PDE1A: variants seen among roughly 807,000 people sequenced by gnomAD.
PDE1A encodes dual specificity calcium/calmodulin-dependent 3',5'-cyclic nucleotide phosphodiesterase 1A.
Under a neutral mutation model 61.7 loss-of-function variants are expected in PDE1A, and 35 were observed. The ratio of observed to expected loss-of-function variants is 0.57; its 90% CI spans 0.43 to 0.75. The LOEUF (loss-of-function observed/expected upper bound fraction) is 0.75, where lower values mean the gene tolerates loss of function less well. PDE1A is among the 30% of genes least tolerant of loss of function. The pLI is 0.00. For synonymous variants in PDE1A, 232 were observed against 213.2 expected, an observed-to-expected ratio of 1.09 and a Z score of -0.77; for missense variants, 597 against 630.6, an observed-to-expected ratio of 0.95 and a Z score of 0.57.
chr2:182,200,399 CCAATG>C, intron 10 of PDE1A, among the ~76,000 whole-genome samples: 1 of 152,144 alleles, frequency 6.6e-6, no homozygotes. Flanking sequence ...AATCGCATGT[CCAATG>C]GTTTAATCAA....
At chr2:182,460,559 C>G (rs1056116016) in intron 2 of PDE1A, among the ~76,000 whole-genome samples, 1 of 152,084 alleles carries the variant, frequency 6.6e-6, no homozygotes, top group Non-Finnish European at 1.5e-5. Flanking sequence ...CTGTATGTAA[C>G]TTTAATATTG....
intron 1 of PDE1A, among the ~76,000 whole-genome samples, chr2:182,311,801 A>G (rs1053979921): frequency 1.1e-4 from 17 of 152,114 alleles, no homozygotes; most frequent in African/African-American, 4.1e-4. Context: ...TACGAATGGA[A>G]GGGTTGGATT....
rs371846119 is a variant in PDE1A, at chr2:182,186,493, C to A, written c.1303G>T (p.Glu435Ter). Residue 435 changes from glutamate to a stop codon, truncating the protein, a stop_gained, in exon 12 of 14, where the codon GAA becomes TAA. Transcript: ENST00000351439. LOFTEE classifies it high-confidence loss of function. ...CTGCTTGCCACATAGGAAGAAGTTTCGGCTTTTGAGGCTTCCTCTATAAGA... is the reference window on the plus strand; with the variant it reads ...CTGCTTGCCACATAGGAAGAAGTTTAGGCTTTTGAGGCTTCCTCTATAAGA... 1 of 1,612,562 alleles carries A rather than the reference C, an allele frequency of 6.2e-7. No individual in the cohort carries two copies. The highest frequency in any genetic ancestry group is 8.5e-7 in the Non-Finnish European group (1 of 1,179,630).
intron 1 of PDE1A, among the ~76,000 whole-genome samples, chr2:182,389,462 AAAG>A (rs1380367767): frequency 6.6e-6 from 1 of 152,262 alleles, no homozygotes; most frequent in Non-Finnish European, 1.5e-5. Context: ...TACATTTCTC[AAAG>A]AAGACTTATA....
At chr2:182,713,568 T>C in the PDE1A span, among the ~76,000 whole-genome samples, 2 of 152,242 alleles carry the variant, frequency 1.3e-5, no homozygotes, top group South Asian at 4.1e-4. Flanking sequence ...GAAGCAGAGA[T>C]TGCAATGAGC....
At chr2:182,264,000 C>T (rs1305371501) in intron 2 of PDE1A, among the ~76,000 whole-genome samples, 2 of 152,138 alleles carry the variant, frequency 1.3e-5, no homozygotes, top group Non-Finnish European at 2.9e-5. Flanking sequence ...GTAACTCTGA[C>T]ATTTAAAAGT....
chr2:182,542,540 G>A, the PDE1A span, among the ~76,000 whole-genome samples: 2 of 152,070 alleles, frequency 1.3e-5, no homozygotes, highest in Non-Finnish European at 2.9e-5. Flanking sequence ...AGTGTTGAAT[G>A]TCTTGAATTA....
At chr2:182,594,942 G>A in the PDE1A span, among the ~76,000 whole-genome samples, 1 of 152,138 alleles carries the variant, frequency 6.6e-6, no homozygotes, top group Non-Finnish European at 1.5e-5. Flanking sequence ...GGGGCACTCA[G>A]GTAATTGAGG....
chr2:182,355,268 C>T (rs943449854), intron 1 of PDE1A, among the ~76,000 whole-genome samples: 4 of 151,872 alleles, frequency 2.6e-5, no homozygotes, highest in Admixed American at 2.6e-4. Flanking sequence ...CAACATATCC[C>T]TATCAACAGT....
chr2:182,690,589 G>A, the PDE1A span, among the ~76,000 whole-genome samples: 2 of 152,080 alleles, frequency 1.3e-5, no homozygotes, highest in African/African-American at 2.4e-5. Flanking sequence ...AATGGGCAAA[G>A]ACTGGAAGCA....
At chr2:182,453,855 C>T (rs1685702809) in intron 2 of PDE1A, among the ~76,000 whole-genome samples, 1 of 152,064 alleles carries the variant, frequency 6.6e-6, no homozygotes, top group Admixed American at 6.6e-5. Context: ...TGAAAACTGA[C>T]ACAAGACAGG....
intron 1 of PDE1A, among the ~76,000 whole-genome samples, chr2:182,304,432 T>C (rs1256754479): frequency 6.6e-6 from 1 of 152,254 alleles, no homozygotes; most frequent in Non-Finnish European, 1.5e-5. Flanking sequence ...GTAGCACTGT[T>C]AATTTCCTTC....
At chr2:182,396,720 C>T (rs866080500) in intron 1 of PDE1A, among the ~76,000 whole-genome samples, 8 of 151,938 alleles carry the variant, frequency 5.3e-5, no homozygotes, top group Non-Finnish European at 8.8e-5. Context: ...AGTATGCTCC[C>T]GGTTGTATGA....
At chr2:182,549,614 A>AGTATTTT in the PDE1A span, among the ~76,000 whole-genome samples, 1 of 152,154 alleles carries the variant, frequency 6.6e-6, no homozygotes, top group African/African-American at 2.4e-5. Context: ...GTTACAAATC[A>AGTATTTT]TTCACTATAA....
the PDE1A span, among the ~76,000 whole-genome samples, chr2:182,644,263 C>CTGGG: frequency 8.1e-6 from 1 of 123,044 alleles, no homozygotes; most frequent in Non-Finnish European, 1.7e-5. Context: ...TCTTAAGACT[C>CTGGG]TGTGTGTGTG....
At chr2:182,668,437 GA>G in the PDE1A span, among the ~76,000 whole-genome samples, 1 of 150,924 alleles carries the variant, frequency 6.6e-6, no homozygotes, top group Admixed American at 6.6e-5. Flanking sequence ...GCATGAGACC[GA>G]AAAAAAGGCA....
In PDE1A at chr2:182,150,599, T is replaced by A. The variant is rs180925715; in HGVS notation, c.1517-3447A>T. Among the ~76,000 whole-genome samples the A allele has an allele frequency of 6.0e-4, 92 of 152,272 alleles. 2 individuals carry two copies. In the East Asian group the frequency reaches 0.017, roughly 28 times the overall value. On this transcript the variant is annotated intron_variant, in intron 13 of 13. Transcript: ENST00000409365. ...AATAATTCTGTTCAGTTCAAAGAGT[T>A]TTAGGTGTTCATCTCAACCAGTTTC...
chr2:182,283,800 G>C (rs1409695757), intron 1 of PDE1A, among the ~76,000 whole-genome samples: 1 of 152,034 alleles, frequency 6.6e-6, no homozygotes. Context: ...AAGTACAAAG[G>C]AGGAGGCTTT....
At chr2:182,439,270 G>T (rs1211858929) in intron 2 of PDE1A, among the ~76,000 whole-genome samples, 1 of 151,860 alleles carries the variant, frequency 6.6e-6, no homozygotes, top group Non-Finnish European at 1.5e-5. Flanking sequence ...AATGGTGCAG[G>T]GGGGTAGTGT....
Sources: gnomAD v4.1 joint callset for allele counts (sites outside exome capture counted in the v4.1 genomes callset) on GRCh38, gnomAD v4.1.1 for gene constraint, MANE v1.5 for transcripts, NCBI Gene and HGNC (gene_info 2026-07-23, HGNC 2026-07-21) for gene names.